Variants in CHI3L2 observed in about 807,000 individuals in gnomAD.
CHI3L2 encodes the protein chitinase-3-like protein 2.
Under a neutral mutation model 47.3 loss-of-function variants are expected in CHI3L2, and 47 were observed. The ratio of observed to expected loss-of-function variants is 0.99; its 90% CI spans 0.79 to 1.27. CHI3L2 has a LOEUF of 1.27. Ranked by LOEUF, CHI3L2 falls within the 50% of genes most tolerant of loss-of-function variation. CHI3L2 has a pLI of 0.00. For missense variants in CHI3L2, 497 were observed against 462.1 expected, an observed-to-expected ratio of 1.08 and a Z score of -0.69; for synonymous variants, 198 against 169.9, an observed-to-expected ratio of 1.17 and a Z score of -1.28.
chr1:111,243,030 C>T (rs1015218578), intron 10 of CHI3L2, among the ~76,000 whole-genome samples, 187 bp from the exon 11 acceptor site: 1 of 152,160 alleles, frequency 6.6e-6, no homozygotes, highest in Non-Finnish European at 1.5e-5. Context: ...GGCGCTGGGG[C>T]TCACTGCAGA....
chr1:111,243,188 CTTTGAAATA>C lies in CHI3L2; in HGVS notation c.*3-25_*3-17del, dbSNP rs760378565. On this transcript the variant is annotated intron_variant, in intron 10 of 10. Transcript: ENST00000369748. ...TTAGGCCTCAGTTTACTGAGTTGGG[CTTTGAAATA>C]TTTTTCCTTTTGTTTCCAGGATTAA... The C allele has an allele frequency of 1.5e-5, 7 of 455,904 alleles. 1 individual carries two copies. The highest frequency in any genetic ancestry group is 9.3e-5 in the South Asian group (6 of 64,558). 28.2% of individuals were successfully genotyped at this position (455,904 alleles called of 1,614,324 possible). A position where few individuals can be genotyped will look rare whatever the true frequency, so the allele number is the denominator to read the frequency against.
intron 1 of CHI3L2, among the ~76,000 whole-genome samples, chr1:111,229,270 A>C (rs1338359100): frequency 2.0e-5 from 3 of 152,220 alleles, no homozygotes; most frequent in Admixed American, 1.3e-4. Flanking sequence ...AGAGCATATG[A>C]TTCAATAAAA....
chr1:111,229,944 T>C lies in CHI3L2; in HGVS notation c.70+63T>C, dbSNP rs1025626263. On this transcript the variant is annotated intron_variant, in intron 2 of 10. Transcript: ENST00000369748. Reference sequence around the variant, plus strand: ...GGCTTGGGTGCTTTCATTTTTGATGTACAGTTTCTTTTTCTGCTACATGCT... The same window carrying C: ...GGCTTGGGTGCTTTCATTTTTGATGCACAGTTTCTTTTTCTGCTACATGCT... 2.5e-6 allele frequency: 4 copies of C among 1,581,968 alleles called. No homozygotes were observed. The African/African-American group carries it at 5.4e-5, about 21-fold the overall frequency.
At chr1:111,227,831 GTAGAAGAAGTAATC>G (rs1659570782) in intron 1 of CHI3L2, 62 bp downstream of exon 1, 1 of 1,471,828 alleles carries the variant, frequency 6.8e-7, no homozygotes, top group African/African-American at 1.4e-5. Flanking sequence ...TAACAGGTCT[GTAGAAGAAGTAATC>G]TTCCTCCTTT....
At position 111,236,104 on chromosome 1, in the gene CHI3L2, C is replaced by T. The variant is rs1659879729; in HGVS notation, c.686C>T (p.Pro229Leu). 1.2e-6 allele frequency: 2 copies of T among 1,614,092 alleles called. No homozygotes were observed. Among genetic ancestry groups the T allele is most frequent in the Non-Finnish European group, 1.7e-6 (2 of 1,180,052 alleles). The change falls in exon 7 of 11, where the codon CCT becomes CTT. Residue 229 changes from proline (P) to leucine (L), a missense_variant. Pro to Leu is a moderately conservative substitution (Grantham distance 98). Coordinates refer to ENST00000369748, the MANE Select transcript of CHI3L2 (RefSeq NM_004000.3). ...CCCCTTATCACTGGCCACAACAGCCCTCTGAGCAAGGGGTGGCAGGACAGA... is the reference window on the plus strand; with the variant it reads ...CCCCTTATCACTGGCCACAACAGCCTTCTGAGCAAGGGGTGGCAGGACAGA... ...EKPLITGHNS[P>L]LSKGWQDRGP...
chr1:111,241,224 G>T, intron 8 of CHI3L2, 103 bp from the exon 9 acceptor site: 1 of 769,890 alleles, frequency 1.3e-6, no homozygotes, highest in Non-Finnish European at 2.4e-6. Flanking sequence ...TAAAGGTTCT[G>T]ATATTTTCCC....
chr1:111,237,680 T>G (rs930586763), intron 7 of CHI3L2, among the ~76,000 whole-genome samples: 4 of 152,174 alleles, frequency 2.6e-5, no homozygotes, highest in Non-Finnish European at 4.4e-5. Context: ...AAAGCCAAAA[T>G]CAGCCTCTTA....
At chr1:111,235,581 G>A in intron 5 of CHI3L2, 58 bp from the exon 6 acceptor site, 1 of 1,570,590 alleles carries the variant, frequency 6.4e-7, no homozygotes, top group Non-Finnish European at 8.6e-7. Flanking sequence ...CAGGCAAGAA[G>A]CTTAGCACTG....
In CHI3L2 at chr1:111,238,937, C is replaced by T; in HGVS notation, c.918+5C>T. 6.3e-7 allele frequency: 1 copy of T among 1,583,926 alleles called. No individual in the cohort carries two copies. The highest frequency in any genetic ancestry group is 1.2e-5 in the South Asian group (1 of 86,146). ...GGCTTCCTGGCCTATTATGAGGTACCTGGAAACCCCCTGTACCCTCAGCTC... is the reference window on the plus strand; with the variant it reads ...GGCTTCCTGGCCTATTATGAGGTACTTGGAAACCCCCTGTACCCTCAGCTC... On this transcript the variant is annotated splice_donor_5th_base_variant and intron_variant, in intron 8 of 10. Coordinates refer to ENST00000369748, the MANE Select transcript of CHI3L2 (RefSeq NM_004000.3).
chr1:111,238,812 C>A lies in CHI3L2; in HGVS notation c.798C>A (p.Ile266=). Residue 266 remains isoleucine (I), a synonymous_variant, in exon 8 of 11, where the codon ATC becomes ATA. Transcript: ENST00000369748. The part of the protein sequence containing the change: ...GMPSEKVVMG[I]PTYGHSFTLA... ...CATCAGAGAAGGTGGTCATGGGCAT[C>A]CCCACATATGGGCACTCCTTCACAC... 6.2e-7 allele frequency: 1 copy of A among 1,614,082 alleles called. No homozygotes were observed. The highest frequency in any genetic ancestry group is 8.5e-7 in the Non-Finnish European group (1 of 1,179,960).
rs1416965636 is a variant in CHI3L2 at position 111,230,019 on chromosome 1, C to T, written c.70+138C>T. On this transcript the variant is annotated intron_variant, in intron 2 of 10. Coordinates refer to ENST00000369748, the MANE Select transcript of CHI3L2 (RefSeq NM_004000.3). ...TTCTGCCACTGACATATTTATGACACTGAGTTTTTATTCTATCTTTTTGTG... is the reference window on the plus strand; with the variant it reads ...TTCTGCCACTGACATATTTATGACATTGAGTTTTTATTCTATCTTTTTGTG... 1.2e-5 allele frequency: 11 copies of T among 919,146 alleles called. No homozygotes were observed. The Admixed American group carries it at 2.8e-4, about 24-fold the overall frequency. The allele number at this position is 919,146 out of a possible 1,614,324, so 56.9% of individuals were successfully genotyped here.
chr1:111,235,110 T>C, intron 5 of CHI3L2, 53 bp downstream of exon 5: 1 of 1,576,280 alleles, frequency 6.3e-7, no homozygotes, highest in Non-Finnish European at 8.7e-7. Context: ...GTGTACTCAG[T>C]ACTCTGATAT....
intron 9 of CHI3L2, 103 bp downstream of exon 9, chr1:111,241,546 G>C: frequency 1.5e-6 from 1 of 681,836 alleles, no homozygotes; most frequent in Non-Finnish European, 2.6e-6. Context: ...TGAGGCCCCA[G>C]ACTCTAGGAT....
chr1:111,242,657 C>G (rs1289660506), intron 10 of CHI3L2: 2 of 224,698 alleles, frequency 8.9e-6, no homozygotes, highest in Non-Finnish European at 1.7e-5. Context: ...GACACCACCA[C>G]AATTCTTGGT....
chr1:111,230,195 G>A (rs1659673569), intron 2 of CHI3L2, among the ~76,000 whole-genome samples: 1 of 151,998 alleles, frequency 6.6e-6, no homozygotes, highest in Non-Finnish European at 1.5e-5. Flanking sequence ...CATACATACT[G>A]AATCTTAGTG....
chr1:111,235,200 A>C, intron 5 of CHI3L2, 143 bp downstream of exon 5: 2 of 764,112 alleles, frequency 2.6e-6, no homozygotes, highest in South Asian at 4.0e-5. Flanking sequence ...GCTCCCACTA[A>C]TGAGAGAAAA....
chr1:111,234,798 A>G, intron 4 of CHI3L2, 109 bp from the exon 5 acceptor site: 1 of 1,001,426 alleles, frequency 1.0e-6, no homozygotes. Flanking sequence ...GACAAATTGT[A>G]AGTGAATATT....
chr1:111,236,408 T>C (rs190251654), intron 7 of CHI3L2, among the ~76,000 whole-genome samples: 3 of 152,274 alleles, frequency 2.0e-5, no homozygotes, highest in Admixed American at 1.3e-4. Context: ...GTGTCCCCCA[T>C]CCCAGTCTTC....
intron 7 of CHI3L2, among the ~76,000 whole-genome samples, chr1:111,236,849 G>A (rs1231642465): frequency 1.3e-5 from 2 of 152,150 alleles, no homozygotes; most frequent in Admixed American, 6.5e-5. Context: ...TCAGGGATCA[G>A]GGTTTTTAAG....
Sources: gnomAD v4.1 joint callset for allele counts (sites outside exome capture counted in the v4.1 genomes callset) on GRCh38, gnomAD v4.1.1 for gene constraint, MANE v1.5 for transcripts, NCBI Gene and HGNC (gene_info 2026-07-23, HGNC 2026-07-21) for gene names.